Variants in PDE4D observed in about 807,000 individuals in gnomAD.
The protein encoded by PDE4D is phosphodiesterase 4D, also known as 3',5'-cyclic-AMP phosphodiesterase 4D.
PDE4D carries 24 observed loss-of-function variants against 87.4 expected under a neutral mutation model. The observed-to-expected ratio is 0.27, with a 90% CI of 0.20 to 0.39. The LOEUF (loss-of-function observed/expected upper bound fraction) is 0.39, where lower values mean the gene tolerates loss of function less well. Among genes scored for constraint, PDE4D ranks in the 10% least tolerant of loss-of-function variants. The pLI is 1.00. For synonymous variants in PDE4D, 384 were observed against 383.2 expected (o/e 1.00, Z -0.02); for missense variants, 714 against 1,041.0 (o/e 0.69, Z 4.32).
At chr5:59,202,033 A>ATTTTTTTGTTTTTTTT (rs1747547145) in intron 2 of PDE4D, among the ~76,000 whole-genome samples, 1 of 95,258 alleles carries the variant, frequency 1.0e-5, no homozygotes. Context: ...TGTTTTGATC[A>ATTTTTTTGTTTTTTTT]TTTTTTTTTT....
chr5:59,126,209 T>C (rs1775381645), intron 5 of PDE4D, among the ~76,000 whole-genome samples: 1 of 150,928 alleles, frequency 6.6e-6, no homozygotes. Flanking sequence ...GTTCCATTTA[T>C]AAACCTCAGA....
chr5:59,402,944 T>C (rs1790930090), intron 1 of PDE4D, among the ~76,000 whole-genome samples: 1 of 152,192 alleles, frequency 6.6e-6, no homozygotes, highest in South Asian at 2.1e-4. Flanking sequence ...GTATCATCCC[T>C]GCAAAGTAAC....
At chr5:60,100,681 G>C (rs887602226) in intron 2 of PDE4D, among the ~76,000 whole-genome samples, 1 of 152,046 alleles carries the variant, frequency 6.6e-6, no homozygotes, top group Admixed American at 6.6e-5. Flanking sequence ...CATTGTTTTA[G>C]GTATGCAACT....
intron 2 of PDE4D, among the ~76,000 whole-genome samples, chr5:60,101,693 G>A (rs1303454297): frequency 6.6e-6 from 1 of 152,122 alleles, no homozygotes; most frequent in Non-Finnish European, 1.5e-5. Flanking sequence ...GAAGCTAGGA[G>A]CTGAATTCTG....
chr5:60,167,706 A>G (rs1783055840), intron 2 of PDE4D, among the ~76,000 whole-genome samples: 1 of 151,996 alleles, frequency 6.6e-6, no homozygotes, highest in Non-Finnish European at 1.5e-5. Context: ...GGGTCACTTA[A>G]TGTTCTCCTT....
chr5:60,061,082 G>A (rs568532302), intron 2 of PDE4D, among the ~76,000 whole-genome samples: 2 of 152,032 alleles, frequency 1.3e-5, no homozygotes, highest in African/African-American at 2.4e-5. Flanking sequence ...TCTGGCCAGG[G>A]CAATCAGGCA....
chr5:58,995,967 G>A (rs1749115621), intron 6 of PDE4D, among the ~76,000 whole-genome samples: 1 of 151,956 alleles, frequency 6.6e-6, no homozygotes, highest in Non-Finnish European at 1.5e-5. Flanking sequence ...CATAAAAAGG[G>A]ATGAGTTCAC....
intron 1 of PDE4D, among the ~76,000 whole-genome samples, chr5:59,845,133 C>T (rs966681963): frequency 2.6e-5 from 4 of 152,068 alleles, no homozygotes; most frequent in Non-Finnish European, 5.9e-5. Flanking sequence ...GACATGAATG[C>T]CATCTGCAAA....
chr5:59,798,046 A>G (rs1467841278), intron 1 of PDE4D, among the ~76,000 whole-genome samples: 1 of 152,040 alleles, frequency 6.6e-6, no homozygotes, highest in Non-Finnish European at 1.5e-5. Context: ...AGCCTGGGCA[A>G]CATAGGGAGA....
In PDE4D at chr5:59,300,663, G is replaced by A. The variant is rs116178815; in HGVS notation, c.456-84695C>T. Among the ~76,000 whole-genome samples, 1,177 of 152,060 alleles carry A rather than the reference G, an allele frequency of 7.7e-3. 15 individuals are homozygous for A. Among genetic ancestry groups the A allele is most frequent in the African/African-American group, 0.025 (1,037 of 41,468 alleles). On this transcript the variant is annotated intron_variant, in intron 1 of 14. Transcript: ENST00000340635. ...CATCAACACAGATGAAGCCTTCTAC[G>A]AACAAACATGTGAGGTTTCCCCCCC...
chr5:59,427,719 T>C (rs1188695544), intron 1 of PDE4D, among the ~76,000 whole-genome samples: 1 of 150,936 alleles, frequency 6.6e-6, no homozygotes, highest in Admixed American at 6.7e-5. Flanking sequence ...AACTACTTGG[T>C]AAGCTGAAGT....
At chr5:59,009,576 T>C (rs979293983) in intron 6 of PDE4D, among the ~76,000 whole-genome samples, 3 of 152,110 alleles carry the variant, frequency 2.0e-5, no homozygotes, top group African/African-American at 4.8e-5. Flanking sequence ...CAATCAGCAC[T>C]GGACGTGGGG....
intron 1 of PDE4D, among the ~76,000 whole-genome samples, chr5:60,336,711 T>C (rs1297205635): frequency 6.6e-6 from 1 of 152,176 alleles, no homozygotes; most frequent in African/African-American, 2.4e-5. Flanking sequence ...ATTCTGTTGA[T>C]AGGATCCATG....
At chr5:60,104,570 C>T (rs1317386741) in intron 2 of PDE4D, among the ~76,000 whole-genome samples, 1 of 152,208 alleles carries the variant, frequency 6.6e-6, no homozygotes, top group African/African-American at 2.4e-5. Flanking sequence ...CAAGTGGGTC[C>T]CTGACCCCTG....
rs558974857 is a variant in PDE4D, at chr5:60,005,890, T to C, written c.43-17173A>G. On this transcript the variant is annotated intron_variant, in intron 2 of 16. Coordinates refer to the PDE4D transcript ENST00000502484. Reference sequence around the variant, plus strand: ...GGAAATTTATAGTGTAAAAGAGAATTCAGACACATAATGATTTCGATCTGT... The same window carrying C: ...GGAAATTTATAGTGTAAAAGAGAATCCAGACACATAATGATTTCGATCTGT... Among the ~76,000 whole-genome samples the C allele has an allele frequency of 2.6e-4, 40 of 151,922 alleles. 1 individual carries two copies. Among genetic ancestry groups the C allele is most frequent in the African/African-American group, 8.9e-4 (37 of 41,522 alleles).
At chr5:59,194,853 T>C (rs915839719) in intron 2 of PDE4D, among the ~76,000 whole-genome samples, 1 of 152,158 alleles carries the variant, frequency 6.6e-6, no homozygotes, top group Non-Finnish European at 1.5e-5. Context: ...AAAGGTATTT[T>C]CCCATGTTGA....
At chr5:60,121,761 A>C (rs1026364185) in intron 2 of PDE4D, among the ~76,000 whole-genome samples, 2 of 152,170 alleles carry the variant, frequency 1.3e-5, no homozygotes, top group African/African-American at 2.4e-5. Context: ...TCACATTTCA[A>C]AACCAATCAT....
intron 5 of PDE4D, among the ~76,000 whole-genome samples, chr5:59,115,968 A>C (rs1773539834): frequency 6.6e-6 from 1 of 152,198 alleles, no homozygotes. Context: ...AACAATGTAA[A>C]TCTCACAATC....
At chr5:59,849,952 G>A (rs894685047) in intron 1 of PDE4D, among the ~76,000 whole-genome samples, 9 of 151,942 alleles carry the variant, frequency 5.9e-5, no homozygotes, top group African/African-American at 2.2e-4. Context: ...TATTTACTTG[G>A]TAATATGAAG....
Sources: gnomAD v4.1 joint callset for allele counts (sites outside exome capture counted in the v4.1 genomes callset) on GRCh38, gnomAD v4.1.1 for gene constraint, MANE v1.5 for transcripts, NCBI Gene and HGNC (gene_info 2026-07-23, HGNC 2026-07-21) for gene names.